UCP1: variants seen among roughly 807,000 people sequenced by gnomAD.
UCP1 encodes the protein uncoupling protein 1.
UCP1 carries 24 observed loss-of-function variants against 26.2 expected under a neutral mutation model. The ratio of observed to expected loss-of-function variants is 0.92; its 90% confidence interval spans 0.66 to 1.29. The LOEUF is 1.29. UCP1 is among the 50% of genes most tolerant of loss of function. The pLI, the probability that UCP1 is intolerant of heterozygous loss-of-function variation, is 0.00. For synonymous variants in UCP1, 164 were observed against 156.8 expected (o/e 1.05, Z -0.34); for missense variants, 402 against 388.7 (o/e 1.03, Z -0.29).
In UCP1 at chr4:140,568,772, C is replaced by G; in HGVS notation, c.-43G>C. The G allele has an allele frequency of 6.4e-7, 1 of 1,550,802 alleles. No homozygotes were observed. On this transcript the variant is annotated 5_prime_UTR_variant, in exon 1 of 6. Coordinates refer to ENST00000262999, the MANE Select transcript of UCP1 (RefSeq NM_021833.5). ...AGATGCAGAGGAAAAGGGCTCCAGCCCCGAAGGTGGAGGAAGTTCCTTTCC... is the reference window on the plus strand; with the variant it reads ...AGATGCAGAGGAAAAGGGCTCCAGCGCCGAAGGTGGAGGAAGTTCCTTTCC...
intron 2 of UCP1, among the ~76,000 whole-genome samples, chr4:140,567,262 A>G (rs1321366181): frequency 6.6e-6 from 1 of 152,146 alleles, no homozygotes; most frequent in Non-Finnish European, 1.5e-5. Context: ...TTAAGAGGAA[A>G]TATGTCTTTT....
intron 2 of UCP1, among the ~76,000 whole-genome samples, chr4:140,567,092 G>T (rs938593281): frequency 4.6e-5 from 7 of 152,302 alleles, no homozygotes; most frequent in African/African-American, 1.7e-4. Flanking sequence ...CTGGTTCATA[G>T]TTAAGCCCTC....
chr4:140,564,507 T>C (rs1560844553), intron 2 of UCP1, among the ~76,000 whole-genome samples: 1 of 152,180 alleles, frequency 6.6e-6, no homozygotes, highest in Non-Finnish European at 1.5e-5. Flanking sequence ...GTTTCCTAAT[T>C]TGTCAAAAAG....
At chr4:140,562,662 G>A (rs2110908524) in intron 4 of UCP1, among the ~76,000 whole-genome samples, 1 of 152,068 alleles carries the variant, frequency 6.6e-6, no homozygotes, top group Non-Finnish European at 1.5e-5. Flanking sequence ...TGAAATAAGG[G>A]AAATTTCAAT....
intron 4 of UCP1, among the ~76,000 whole-genome samples, chr4:140,562,814 G>A (rs1735707734): frequency 6.6e-6 from 1 of 152,080 alleles, no homozygotes; most frequent in Admixed American, 6.6e-5. Context: ...GAATTCTGCT[G>A]TATAAAGAAT....
At position 140,561,713 on chromosome 4, in the gene UCP1, A is replaced by G. The variant is rs183105785; in HGVS notation, c.809+480T>C. The stretch of plus-strand genomic sequence containing the variant: ...GGAAATATGTAATCTATTACACAAC[A>G]CTTGTTTCTAGGTGAGTGTAATAAT... On this transcript the variant is annotated intron_variant, in intron 5 of 5. Coordinates refer to ENST00000262999, the MANE Select transcript of UCP1 (RefSeq NM_021833.5). Among the ~76,000 whole-genome samples, 14 of 152,274 alleles carry G rather than the reference A, an allele frequency of 9.2e-5. No homozygotes were observed. The East Asian group carries it at 2.7e-3, about 29-fold the overall frequency.
At chr4:140,568,009 A>G in intron 1 of UCP1, 32 bp from the exon 2 acceptor site, 1 of 1,612,008 alleles carries the variant, frequency 6.2e-7, no homozygotes, top group Non-Finnish European at 8.5e-7. Flanking sequence ...AACAGAAGGG[A>G]GCGAAATTGA....
Position 140,568,795 on chromosome 4 carries a change from T to C in UCP1, c.-66A>G. The C allele has an allele frequency of 6.5e-7, 1 of 1,539,164 alleles. No homozygotes were observed. Among genetic ancestry groups the C allele is most frequent in the Non-Finnish European group, 8.7e-7 (1 of 1,147,570 alleles). ...GCCCCGAAGGTGGAGGAAGTTCCTT[T>C]CCCTTGCTCTTCACGCCTGTCCGCC... On this transcript the variant is annotated 5_prime_UTR_variant, in exon 1 of 6. Coordinates refer to ENST00000262999, the MANE Select transcript of UCP1 (RefSeq NM_021833.5).
chr4:140,560,642 TG>T (rs1378375781), intron 5 of UCP1, among the ~76,000 whole-genome samples: 2 of 152,170 alleles, frequency 1.3e-5, no homozygotes, highest in African/African-American at 4.8e-5. Context: ...ACTGTTTAAA[TG>T]GCTTTTATTG....
At chr4:140,560,947 C>T (rs937889967) in intron 5 of UCP1, among the ~76,000 whole-genome samples, 2 of 152,132 alleles carry the variant, frequency 1.3e-5, no homozygotes, top group Non-Finnish European at 2.9e-5. Context: ...TTTGACTACT[C>T]TAGGTACCTC....
At position 140,563,099 on chromosome 4, in the gene UCP1, T is replaced by C. The variant is rs753813576; in HGVS notation, c.628+11A>G. 6.2e-7 allele frequency: 1 copy of C among 1,607,048 alleles called. No individual in the cohort carries two copies. The highest frequency in any genetic ancestry group is 8.5e-7 in the Non-Finnish European group (1 of 1,173,874). ...GTGCAGACCTGTTTGTTATATGAAATGGGAAGTTACCTGCTAATATGTTGT... is the reference window on the plus strand; with the variant it reads ...GTGCAGACCTGTTTGTTATATGAAACGGGAAGTTACCTGCTAATATGTTGT... On this transcript the variant is annotated intron_variant, in intron 4 of 5. Transcript: ENST00000262999.
chr4:140,560,049 ATT>A (rs371463243), intron 5 of UCP1, 39 bp from the exon 6 acceptor site: 694 of 1,246,040 alleles, frequency 5.6e-4, no homozygotes, highest in Middle Eastern at 8.0e-4. Flanking sequence ...AATTTGTTTG[ATT>A]TTTTTTTTTT....
Position 140,559,962 on chromosome 4 carries a change from A to G in UCP1, c.858T>C (p.Phe286=). The G allele has an allele frequency of 6.2e-7, 1 of 1,614,128 alleles. No homozygotes were observed. The highest frequency in any genetic ancestry group is 8.5e-7 in the Non-Finnish European group (1 of 1,180,000). Residue 286 remains phenylalanine (F), a synonymous_variant, in exon 6 of 6, where the codon TTT becomes TTC. Coordinates refer to ENST00000262999, the MANE Select transcript of UCP1 (RefSeq NM_021833.5). The part of the protein sequence containing the change: ...LRLGSWNVIM[F]VCFEQLKREL... ...CTCGTTTCAGTTGTTCAAAGCACAC[A>G]AACATAATGACGTTCCAGGATCCAA...
chr4:140,562,268 G>C lies in UCP1; in HGVS notation c.734C>G (p.Pro245Arg). 2 of 1,614,102 alleles carry C rather than the reference G, an allele frequency of 1.2e-6. No homozygotes were observed. The highest frequency in any genetic ancestry group is 1.7e-6 in the Non-Finnish European group (2 of 1,180,004). ...GTTGGGCACACTTTTGTACTGTCCTGGTGGAGAATTAATAAATCTGGTTTT... is the reference window on the plus strand; with the variant it reads ...GTTGGGCACACTTTTGTACTGTCCTCGTGGAGAATTAATAAATCTGGTTTT... ...VVKTRFINSP[P>R]GQYKSVPNCA... The change falls in exon 5 of 6, where the codon CCA (proline) becomes CGA (arginine). Residue 245 changes from proline to arginine, a missense_variant. By Grantham distance (103) the Pro-to-Arg change is moderately radical (BLOSUM62 -2). Transcript: ENST00000262999.
intron 5 of UCP1, among the ~76,000 whole-genome samples, chr4:140,560,858 ACTCT>A (rs1404995522): frequency 2.6e-5 from 4 of 152,014 alleles, no homozygotes; most frequent in East Asian, 1.9e-4. Context: ...CCAAAAAGAA[ACTCT>A]CTACCCATTA....
At position 140,559,756 on chromosome 4, in the gene UCP1, T is replaced by G; in HGVS notation, c.*140A>C. The G allele has an allele frequency of 1.3e-6, 1 of 788,128 alleles. No homozygotes were observed. Among genetic ancestry groups the G allele is most frequent in the Non-Finnish European group, 2.0e-6 (1 of 491,166 alleles). 48.8% of individuals were successfully genotyped at this position (788,128 alleles called of 1,614,324 possible). A position where few individuals can be genotyped will look rare whatever the true frequency, so the allele number is the denominator to read the frequency against. The stretch of plus-strand genomic sequence containing the variant: ...TGAAATAGGCATTAATTTTCCTCTT[T>G]TTTATATAAAAAAGTCCAAAATTCT... On this transcript the variant is annotated 3_prime_UTR_variant, in exon 6 of 6. Transcript: ENST00000262999.
chr4:140,563,951 T>C (rs755204540), intron 2 of UCP1, among the ~76,000 whole-genome samples: 8 of 152,172 alleles, frequency 5.3e-5, no homozygotes, highest in Non-Finnish European at 1.0e-4. Context: ...CTAATGCTTG[T>C]TTATGTGTTG....
chr4:140,563,533 A>T lies in UCP1; in HGVS notation c.326-15T>A. The T allele has an allele frequency of 6.2e-7, 1 of 1,610,816 alleles. No individual in the cohort carries two copies. Among genetic ancestry groups the T allele is most frequent in the Middle Eastern group, 1.7e-4 (1 of 6,058 alleles). ...ACTAGGTGCTGCTATCCAGAGAGAAAAAAAATTATTAAGAAAAAAAATTAA... is the reference window on the plus strand; with the variant it reads ...ACTAGGTGCTGCTATCCAGAGAGAATAAAAATTATTAAGAAAAAAAATTAA... On this transcript the variant is annotated splice_polypyrimidine_tract_variant and intron_variant, in intron 2 of 5. Transcript: ENST00000262999.
intron 2 of UCP1, among the ~76,000 whole-genome samples, chr4:140,564,754 C>G (rs906534017): frequency 6.6e-6 from 1 of 152,174 alleles, no homozygotes; most frequent in African/African-American, 2.4e-5. Flanking sequence ...TTGTAATGCA[C>G]TGCACTACAA....
Sources: allele counts gnomAD v4.1 joint callset (sites outside exome capture counted in the v4.1 genomes callset), GRCh38; gene constraint gnomAD v4.1.1; transcripts MANE v1.5; gene names NCBI Gene and HGNC (gene_info 2026-07-23, HGNC 2026-07-21).